Variants in CAMSAP2 observed in about 807,000 individuals in gnomAD.
The protein encoded by CAMSAP2 is calmodulin-regulated spectrin-associated protein 2.
A neutral mutation model predicts 146.1 loss-of-function variants in CAMSAP2; 26 were observed. The ratio of observed to expected loss-of-function variants is 0.18; its 90% CI spans 0.13 to 0.25. The LOEUF is 0.25. CAMSAP2 is among the 10% of genes least tolerant of loss of function. CAMSAP2 has a pLI of 1.00. For synonymous variants in CAMSAP2, 499 were observed against 596.6 expected (o/e 0.84, Z 2.38); for missense variants, 1,381 against 1,759.3 (o/e 0.78, Z 3.85).
chr1:200,803,258 C>T (rs549325459), intron 2 of CAMSAP2, among the ~76,000 whole-genome samples: 1 of 152,308 alleles, frequency 6.6e-6, no homozygotes, highest in African/African-American at 2.4e-5. Context: ...ACAGGTTATA[C>T]AGTTTTCTTA....
At chr1:200,819,354 CCA>C (rs1384131711) in intron 4 of CAMSAP2, among the ~76,000 whole-genome samples, 1 of 152,082 alleles carries the variant, frequency 6.6e-6, no homozygotes, top group East Asian at 1.9e-4. Context: ...AATTTGAATG[CCA>C]GAGAAACAAC....
chr1:200,838,478 C>T (rs1378811311), intron 6 of CAMSAP2, among the ~76,000 whole-genome samples: 4 of 152,020 alleles, frequency 2.6e-5, no homozygotes, highest in Non-Finnish European at 4.4e-5. Flanking sequence ...TTTTTTAGTA[C>T]GTAGATTCAT....
Position 200,859,088 on chromosome 1 carries a change from T to G in CAMSAP2, c.*1029T>G, listed in dbSNP as rs1317338316. 6.6e-6 allele frequency: 1 copy of G among 152,538 alleles called. No homozygotes were observed. Among genetic ancestry groups the G allele is most frequent in the Non-Finnish European group, 1.5e-5 (1 of 67,900 alleles). 9.4% of individuals were successfully genotyped at this position (152,538 alleles called of 1,614,324 possible). The stretch of plus-strand genomic sequence containing the variant: ...TTAAAATAGCTTCACATTATTTTAC[T>G]TATATTGGGTTTTTCTTCATTTTAA... On this transcript the variant is annotated 3_prime_UTR_variant, in exon 17 of 17. Coordinates refer to ENST00000358823, the MANE Select transcript of CAMSAP2 (RefSeq NM_203459.4).
At chr1:200,741,157 G>A (rs1279329662) in intron 1 of CAMSAP2, among the ~76,000 whole-genome samples, 1 of 152,162 alleles carries the variant, frequency 6.6e-6, no homozygotes, top group Non-Finnish European at 1.5e-5. Context: ...TCAGTGTTTG[G>A]AAAATGATTT....
chr1:200,786,469 C>T (rs975183104), intron 2 of CAMSAP2, among the ~76,000 whole-genome samples: 26 of 152,022 alleles, frequency 1.7e-4, no homozygotes, highest in African/African-American at 5.5e-4. Flanking sequence ...CTGCAGCCTC[C>T]GCCTCCCGGG....
At chr1:200,826,475 A>G (rs939607203) in intron 4 of CAMSAP2, among the ~76,000 whole-genome samples, 8 of 151,992 alleles carry the variant, frequency 5.3e-5, no homozygotes, top group African/African-American at 1.7e-4. Flanking sequence ...CAAGTCATGC[A>G]GTAACAAGTC....
chr1:200,774,863 G>A (rs1665228639), intron 2 of CAMSAP2, among the ~76,000 whole-genome samples: 1 of 152,182 alleles, frequency 6.6e-6, no homozygotes, highest in African/African-American at 2.4e-5. Flanking sequence ...AAAGTGTAGA[G>A]TCACATTTAT....
chr1:200,816,643 C>G (rs1350080019), intron 4 of CAMSAP2, among the ~76,000 whole-genome samples: 2 of 142,036 alleles, frequency 1.4e-5, no homozygotes, highest in East Asian at 2.1e-4. Context: ...TATACACACA[C>G]ATATATATGC....
At chr1:200,784,241 A>C (rs914223978) in intron 2 of CAMSAP2, among the ~76,000 whole-genome samples, 1 of 152,084 alleles carries the variant, frequency 6.6e-6, no homozygotes, top group Non-Finnish European at 1.5e-5. Flanking sequence ...TTTTTTATCA[A>C]AATTGTTTTC....
Position 200,761,525 on chromosome 1 carries a change from C to T in CAMSAP2, c.399+427C>T, listed in dbSNP as rs549535451. ...CCGAGGCGGGCAGATCACCTGAGGT[C>T]AGGAGTTCAAGACCAGTCTTACCAA... On this transcript the variant is annotated intron_variant, in intron 2 of 16. Transcript: ENST00000358823. Among the ~76,000 whole-genome samples, 174 of 152,234 alleles carry T rather than the reference C, an allele frequency of 1.1e-3. 1 individual carries two copies. The highest frequency in any genetic ancestry group is 7.2e-3 in the South Asian group (35 of 4,828).
At chr1:200,779,513 A>C (rs1473205569) in intron 2 of CAMSAP2, among the ~76,000 whole-genome samples, 14 of 152,104 alleles carry the variant, frequency 9.2e-5, no homozygotes, top group Non-Finnish European at 1.5e-5. Flanking sequence ...TGAGATAGAG[A>C]TTTGGGAATC....
intron 4 of CAMSAP2, among the ~76,000 whole-genome samples, chr1:200,826,383 G>C (rs1358917551): frequency 6.6e-6 from 1 of 151,146 alleles, no homozygotes; most frequent in Non-Finnish European, 1.5e-5. Flanking sequence ...AGTGAGCTGA[G>C]ATAGCTCCGC....
intron 4 of CAMSAP2, chr1:200,828,685 T>C (rs1056290183): frequency 7.8e-7 from 1 of 1,286,988 alleles, no homozygotes; most frequent in Non-Finnish European, 1.1e-6. Context: ...GCTGTTAAAG[T>C]CATTTCATGT....
At chr1:200,821,993 A>G (rs1031925515) in intron 4 of CAMSAP2, among the ~76,000 whole-genome samples, 15 of 152,160 alleles carry the variant, frequency 9.9e-5, no homozygotes, top group Non-Finnish European at 1.5e-5. Flanking sequence ...TTTTGAAATA[A>G]TTACACCCTT....
At chr1:200,773,819 A>T (rs145740291) in intron 2 of CAMSAP2, among the ~76,000 whole-genome samples, 2 of 151,994 alleles carry the variant, frequency 1.3e-5, no homozygotes, top group African/African-American at 4.8e-5. Context: ...TCAGGAAGTC[A>T]AGGCTACAGT....
At chr1:200,817,248 A>ACGTGTGTGTG (rs1666620439) in intron 4 of CAMSAP2, among the ~76,000 whole-genome samples, 2 of 10,018 alleles carry the variant, frequency 2.0e-4, no homozygotes, top group African/African-American at 1.0e-3. Context: ...ACATACACAC[A>ACGTGTGTGTG]TATGTGTGTG....
intron 4 of CAMSAP2, among the ~76,000 whole-genome samples, chr1:200,817,193 T>C (rs938382019): frequency 2.8e-4 from 23 of 83,260 alleles, no homozygotes; most frequent in Non-Finnish European, 4.4e-4. Context: ...CACACACATG[T>C]GTGTGTGTAT....
At chr1:200,828,578 T>C in intron 4 of CAMSAP2, 1 of 1,550,242 alleles carries the variant, frequency 6.5e-7, no homozygotes, top group Non-Finnish European at 8.7e-7. Context: ...TGAAGTCTCC[T>C]TCCAAATGGT....
At chr1:200,847,783 T>C (rs1667499517) in intron 10 of CAMSAP2, 74 bp downstream of exon 10, 4 of 1,282,644 alleles carry the variant, frequency 3.1e-6, no homozygotes, top group Middle Eastern at 1.9e-4. Context: ...CTCTCTTTTA[T>C]TGATAACCAA....
Sources: allele counts gnomAD v4.1 joint callset (sites outside exome capture counted in the v4.1 genomes callset), GRCh38; gene constraint gnomAD v4.1.1; transcripts MANE v1.5; gene names NCBI Gene and HGNC (gene_info 2026-07-23, HGNC 2026-07-21).